Variants in TBC1D4 observed in about 807,000 individuals in gnomAD.
TBC1D4 encodes TBC (Tre-2, BUB2, CDC16) domain-containing protein.
TBC1D4 carries 121 observed loss-of-function variants against 142.5 expected under a neutral mutation model. The observed-to-expected ratio is 0.85, with a 90% confidence interval of 0.73 to 0.99. The LOEUF is 0.99. TBC1D4 is among the 50% of genes least tolerant of loss of function. TBC1D4 has a pLI of 0.00. For synonymous variants in TBC1D4, 630 were observed against 628.2 expected (o/e 1.00, Z -0.04); for missense variants, 1,475 against 1,606.6 (o/e 0.92, Z 1.40).
intron 1 of TBC1D4, among the ~76,000 whole-genome samples, chr13:75,379,786 T>C (rs1157927332): frequency 6.6e-6 from 1 of 151,752 alleles, no homozygotes; most frequent in African/African-American, 2.4e-5. Context: ...CCAGTTTTAG[T>C]TGATAAAAAT....
At chr13:75,307,163 T>C (rs550971656) in intron 14 of TBC1D4, among the ~76,000 whole-genome samples, 1 of 152,308 alleles carries the variant, frequency 6.6e-6, no homozygotes, top group Admixed American at 6.5e-5. Flanking sequence ...GGTCTTGCTA[T>C]GCTGCCCAGG....
At chr13:75,460,982 T>A (rs1011557847) in intron 1 of TBC1D4, among the ~76,000 whole-genome samples, 1 of 152,308 alleles carries the variant, frequency 6.6e-6, no homozygotes, top group Middle Eastern at 3.4e-3. Flanking sequence ...GCCAAGTTTA[T>A]TCCTTCAATG....
chr13:75,451,917 A>T (rs981323502), intron 1 of TBC1D4, among the ~76,000 whole-genome samples: 1 of 151,964 alleles, frequency 6.6e-6, no homozygotes, highest in Non-Finnish European at 1.5e-5. Context: ...AAACCAAATA[A>T]TTACTAGTGT....
Position 75,386,545 on chromosome 13 carries a change from G to A in TBC1D4, c.499-23938C>T, listed in dbSNP as rs573770297. Among the ~76,000 whole-genome samples the A allele has an allele frequency of 4.3e-3, 652 of 151,822 alleles. 3 individuals are homozygous for A. The highest frequency in any genetic ancestry group is 7.3e-3 in the Admixed American group (111 of 15,250). ...CTGGGACTACAGGCATCCGCCACCA[G>A]ACCTGGCTAATTTTTTGTATTTTTA... is the stretch of plus-strand genomic sequence containing the variant. On this transcript the variant is annotated intron_variant, in intron 1 of 20. Coordinates refer to ENST00000377636, the MANE Select transcript of TBC1D4 (RefSeq NM_014832.5).
At chr13:75,396,483 G>A (rs1166987400) in intron 1 of TBC1D4, among the ~76,000 whole-genome samples, 1 of 152,154 alleles carries the variant, frequency 6.6e-6, no homozygotes, top group Non-Finnish European at 1.5e-5. Flanking sequence ...ACTGAAAGGT[G>A]TAGATATTTC....
intron 11 of TBC1D4, among the ~76,000 whole-genome samples, chr13:75,323,458 T>C (rs1259967743): frequency 6.6e-6 from 1 of 152,104 alleles, no homozygotes; most frequent in Non-Finnish European, 1.5e-5. Context: ...ACTAAGAATT[T>C]GAATGATCAA....
intron 13 of TBC1D4, among the ~76,000 whole-genome samples, chr13:75,311,479 C>T (rs927356168): frequency 4.6e-5 from 7 of 151,928 alleles, no homozygotes; most frequent in East Asian, 1.9e-4. Context: ...TACTTCCATA[C>T]GTTTTACTGT....
Position 75,362,308 on chromosome 13 carries a change from G to A in TBC1D4, c.798C>T (p.Cys266=). ...EVVVPGSPGD[C]LPEEADGTDT... is the part of the protein sequence containing the mutation. Reference sequence around the variant, plus strand: ...CGGTGCCGTCAGCCTCCTCCGGCAGGCAGTCTCCGGGGGACCCGGGCACCA... The same window carrying A: ...CGGTGCCGTCAGCCTCCTCCGGCAGACAGTCTCCGGGGGACCCGGGCACCA... Residue 266 remains cysteine (C), a synonymous_variant, in exon 2 of 21, where the codon TGC becomes TGT. Transcript: ENST00000377636. This position sits in a 1 kb window ranked among gnomAD's most constrained non-coding sequence, Gnocchi z 4.2. The A allele has an allele frequency of 6.2e-7, 1 of 1,613,884 alleles. No individual in the cohort carries two copies. The highest frequency in any genetic ancestry group is 8.5e-7 in the Non-Finnish European group (1 of 1,180,022).
intron 1 of TBC1D4, among the ~76,000 whole-genome samples, chr13:75,407,138 C>T (rs1380983980): frequency 1.3e-5 from 2 of 152,194 alleles, no homozygotes; most frequent in Non-Finnish European, 2.9e-5. Context: ...TGGGTACCAG[C>T]TCTAAATTCT....
rs539258015 is a variant in TBC1D4 at position 75,341,852 on chromosome 13, G to A, written c.1409-265C>T. 1.0e-3 allele frequency among the ~76,000 whole-genome samples: 154 copies of A among 152,312 alleles called. 1 individual carries two copies. The highest frequency in any genetic ancestry group is 1.7e-3 in the Non-Finnish European group (115 of 68,028). On this transcript the variant is annotated intron_variant, in intron 5 of 20. Coordinates refer to ENST00000377636, the MANE Select transcript of TBC1D4 (RefSeq NM_014832.5). ...CAACGGGCCGGGCACAGTGGCTCGCGCCTGTAATCCCAACACTTTGGGAGG... is the reference window on the plus strand; with the variant it reads ...CAACGGGCCGGGCACAGTGGCTCGCACCTGTAATCCCAACACTTTGGGAGG...
chr13:75,362,376 G>A lies in TBC1D4; in HGVS notation c.730C>T (p.Arg244Cys), dbSNP rs764619612. Reference sequence around the variant, plus strand: ...AGGTCCTCTCCTGGGTCCGGACCGCGCTGCTCCCCTTGGATCTTCAGGCGC... The same window carrying A: ...AGGTCCTCTCCTGGGTCCGGACCGCACTGCTCCCCTTGGATCTTCAGGCGC... ...QQRLKIQGEQ[R>C]GPDPGEDLAD... The change falls in exon 2 of 21, where the codon CGC becomes TGC. Residue 244 changes from arginine to cysteine, a missense_variant. This residue lies in a region of TBC1D4 where 1,227 missense variants were observed against 1,267.7 expected (regional missense o/e 0.97). Transcript: ENST00000377636. The surrounding 1 kb of genome is among the most constrained non-coding windows in gnomAD (Gnocchi z 4.2). 5.0e-6 allele frequency: 8 copies of A among 1,614,214 alleles called. No homozygotes were observed. The highest frequency in any genetic ancestry group is 3.3e-5 in the Admixed American group (2 of 60,034).
chr13:75,362,788 T>C lies in TBC1D4; in HGVS notation c.499-181A>G, dbSNP rs574151445. 1.3e-5 allele frequency among the ~76,000 whole-genome samples: 2 copies of C among 152,298 alleles called. No individual in the cohort carries two copies. The highest frequency in any genetic ancestry group is 4.8e-5 in the African/African-American group (2 of 41,574). On this transcript the variant is annotated intron_variant, in intron 1 of 20. Coordinates refer to ENST00000377636, the MANE Select transcript of TBC1D4 (RefSeq NM_014832.5). The surrounding 1 kb of genome is among the most constrained non-coding windows in gnomAD (Gnocchi z 4.2). ...TGACATAAATGACTTCAAGATAAAA[T>C]TAAAATGTAATGAAAATTGAAATTG...
intron 1 of TBC1D4, among the ~76,000 whole-genome samples, chr13:75,423,255 GT>G (rs540221672): frequency 1.4e-4 from 21 of 148,634 alleles, no homozygotes; most frequent in East Asian, 4.0e-4. Context: ...GTATGTAAGT[GT>G]TTTTTTTTTC....
intron 7 of TBC1D4, among the ~76,000 whole-genome samples, chr13:75,340,426 T>C (rs544540278): frequency 2.6e-5 from 4 of 152,332 alleles, no homozygotes; most frequent in African/African-American, 9.6e-5. Context: ...ACCATTTACA[T>C]GATATTACTG....
intron 2 of TBC1D4, 124 bp downstream of exon 2, chr13:75,361,902 G>T: frequency 8.3e-7 from 1 of 1,202,970 alleles, no homozygotes; most frequent in East Asian, 2.5e-5. Flanking sequence ...CTGCTTTGAA[G>T]GGGAAAACAA....
chr13:75,474,506 C>T (rs1888551983), intron 1 of TBC1D4, among the ~76,000 whole-genome samples: 2 of 152,040 alleles, frequency 1.3e-5, no homozygotes, highest in African/African-American at 4.8e-5. Context: ...TTGCAGTGAG[C>T]CGAGATTGCG....
chr13:75,322,185 G>C (rs747838040), intron 11 of TBC1D4, among the ~76,000 whole-genome samples: 1 of 152,132 alleles, frequency 6.6e-6, no homozygotes, highest in South Asian at 2.1e-4. Context: ...TACACTTTTG[G>C]CCTATTCATT....
intron 1 of TBC1D4, among the ~76,000 whole-genome samples, chr13:75,415,527 CAG>C (rs1339811930): frequency 6.6e-6 from 1 of 152,244 alleles, no homozygotes; most frequent in Non-Finnish European, 1.5e-5. Context: ...TATTAAATAA[CAG>C]ACCACCAAAT....
chr13:75,360,324 A>C (rs1882401142), intron 2 of TBC1D4, among the ~76,000 whole-genome samples: 1 of 152,248 alleles, frequency 6.6e-6, no homozygotes, highest in Admixed American at 6.5e-5. Context: ...TAACTAAAAA[A>C]AGAACAAATC....
Sources: allele counts gnomAD v4.1 joint callset (sites outside exome capture counted in the v4.1 genomes callset), GRCh38; gene constraint gnomAD v4.1.1; regional missense constraint gnomAD v4.1.1; non-coding constraint Gnocchi (gnomAD v3.1); transcripts MANE v1.5; gene names NCBI Gene and HGNC (gene_info 2026-07-23, HGNC 2026-07-21).